RBKS: variants seen among roughly 807,000 people sequenced by gnomAD.
RBKS encodes the protein ribokinase.
In RBKS, 33 loss-of-function variants were observed where a neutral mutation model predicts 33.9. That is an observed-to-expected ratio of 0.97 (90% CI 0.74 to 1.30). The LOEUF (loss-of-function observed/expected upper bound fraction) is 1.30, where lower values mean the gene tolerates loss of function less well. Ranked by LOEUF, RBKS falls within the 50% of genes most tolerant of loss-of-function variation. The pLI is 0.00. For missense variants in RBKS, 361 were observed against 392.6 expected, an observed-to-expected ratio of 0.92 and a Z score of 0.68; for synonymous variants, 125 against 143.0, an observed-to-expected ratio of 0.87 and a Z score of 0.90.
chr2:27,786,451 A>G (rs1299995441), intron 7 of RBKS, among the ~76,000 whole-genome samples: 1 of 152,220 alleles, frequency 6.6e-6, no homozygotes, highest in African/African-American at 2.4e-5. Context: ...GTTAGCTAGC[A>G]GGGTATTTTT....
Position 27,849,581 on chromosome 2 carries a change from AAAAAAGAAAAAG to A in RBKS, c.223-1496_223-1485del, listed in dbSNP as rs1320707235. On this transcript the variant is annotated intron_variant, in intron 2 of 7. Coordinates refer to ENST00000302188, the MANE Select transcript of RBKS (RefSeq NM_022128.3). Reference sequence around the variant, plus strand: ...TCTCAAAAAAAAAAAAAAAAAAAAAAAAAAAGAAAAAGAAAAAAAGAAAAAAAAGAAAAGAAA... The same window carrying A: ...TCTCAAAAAAAAAAAAAAAAAAAAAAAAAAAAAGAAAAAAAAGAAAAGAAA... Among the ~76,000 whole-genome samples the A allele has an allele frequency of 6.0e-5, 8 of 133,212 alleles. 1 individual carries two copies. Among genetic ancestry groups the A allele is most frequent in the South Asian group, 2.3e-4 (1 of 4,308 alleles). 87.4% of individuals were successfully genotyped at this position (133,212 alleles called of 152,430 possible). A position where few individuals can be genotyped will look rare whatever the true frequency, so the allele number is the denominator to read the frequency against.
chr2:27,825,929 G>A (rs969624748), intron 7 of RBKS, among the ~76,000 whole-genome samples: 3 of 152,204 alleles, frequency 2.0e-5, no homozygotes, highest in African/African-American at 7.2e-5. Flanking sequence ...TTTACTTTTA[G>A]CAGGAGATGC....
At chr2:27,819,003 A>G (rs1678148948) in intron 7 of RBKS, among the ~76,000 whole-genome samples, 1 of 152,212 alleles carries the variant, frequency 6.6e-6, no homozygotes, top group Non-Finnish European at 1.5e-5. Context: ...GCTTTGGATT[A>G]CTTTCTCCTT....
At chr2:27,877,188 C>T (rs558569290) in intron 1 of RBKS, among the ~76,000 whole-genome samples, 40 of 152,204 alleles carry the variant, frequency 2.6e-4, no homozygotes, top group African/African-American at 8.9e-4. Context: ...AGTTTCTTTG[C>T]TACTCTGATA....
At chr2:27,836,271 G>A (rs377292797) in intron 5 of RBKS, among the ~76,000 whole-genome samples, 8 of 152,078 alleles carry the variant, frequency 5.3e-5, no homozygotes, top group Admixed American at 2.0e-4. Flanking sequence ...TACTATAAAC[G>A]AAATGATATA....
intron 1 of RBKS, among the ~76,000 whole-genome samples, chr2:27,874,949 A>G (rs1247504648): frequency 6.6e-6 from 1 of 152,168 alleles, no homozygotes; most frequent in African/African-American, 2.4e-5. Context: ...ACTCTTAACC[A>G]GCATCTTTAC....
intron 7 of RBKS, among the ~76,000 whole-genome samples, chr2:27,816,253 A>AAT (rs1210194918): frequency 6.6e-6 from 1 of 152,258 alleles, no homozygotes; most frequent in Non-Finnish European, 1.5e-5. Context: ...CTGATTAGCT[A>AAT]ATAAATGAGG....
chr2:27,824,795 G>A (rs1678280617), intron 7 of RBKS, among the ~76,000 whole-genome samples: 1 of 152,074 alleles, frequency 6.6e-6, no homozygotes, highest in Non-Finnish European at 1.5e-5. Flanking sequence ...GGTTTCTTCT[G>A]GTAATTATCT....
chr2:27,860,909 T>TA (rs1313659400), intron 1 of RBKS, among the ~76,000 whole-genome samples: 4 of 152,156 alleles, frequency 2.6e-5, no homozygotes, highest in Non-Finnish European at 5.9e-5. Context: ...GGTTAACAGA[T>TA]ATTTGCTGAT....
intron 1 of RBKS, chr2:27,870,780 T>C: frequency 2.1e-6 from 1 of 465,328 alleles, no homozygotes; most frequent in Non-Finnish European, 4.4e-6. Flanking sequence ...TCACACAAAA[T>C]GACCAGTTCA....
At chr2:27,882,697 A>G (rs1664442492) in intron 1 of RBKS, among the ~76,000 whole-genome samples, 1 of 152,240 alleles carries the variant, frequency 6.6e-6, no homozygotes, top group Non-Finnish European at 1.5e-5. Flanking sequence ...TCAATGGTAG[A>G]CTGGATAAAG....
chr2:27,835,277 A>G (rs1573054698), intron 5 of RBKS, among the ~76,000 whole-genome samples: 2 of 66,850 alleles, frequency 3.0e-5, no homozygotes, highest in South Asian at 8.8e-4. Context: ...ACTCTGTCTC[A>G]AAAAAAAAAA....
At chr2:27,794,657 C>G (rs1415813550) in intron 7 of RBKS, among the ~76,000 whole-genome samples, 1 of 144,342 alleles carries the variant, frequency 6.9e-6, no homozygotes, top group Non-Finnish European at 1.5e-5. Context: ...AGTTTTCGCT[C>G]TTGTTGCCCA....
At chr2:27,847,949 ATCC>A (rs1663653470) in intron 3 of RBKS, 82 bp downstream of exon 3, 3 of 768,618 alleles carry the variant, frequency 3.9e-6, no homozygotes, top group South Asian at 1.6e-5. Flanking sequence ...AGGTCTAATA[ATCC>A]TCCTCTAGAT....
At chr2:27,785,196 CAT>C (rs912116905) in intron 7 of RBKS, among the ~76,000 whole-genome samples, 4 of 151,818 alleles carry the variant, frequency 2.6e-5, no homozygotes, top group African/African-American at 9.7e-5. Context: ...CACAAAAAGA[CAT>C]GAAAAAAATA....
chr2:27,816,114 C>T (rs1211322235), intron 7 of RBKS, among the ~76,000 whole-genome samples: 1 of 152,158 alleles, frequency 6.6e-6, no homozygotes, highest in African/African-American at 2.4e-5. Context: ...TTAGATTTGG[C>T]CCTGGTTCAA....
intron 1 of RBKS, among the ~76,000 whole-genome samples, chr2:27,867,972 T>C (rs1004313597): frequency 1.3e-5 from 2 of 152,192 alleles, no homozygotes; most frequent in African/African-American, 4.8e-5. Context: ...ACAAGAAAAG[T>C]ATGCATTTGT....
At chr2:27,861,231 G>C (rs1323476308) in intron 1 of RBKS, among the ~76,000 whole-genome samples, 1 of 152,056 alleles carries the variant, frequency 6.6e-6, no homozygotes, top group East Asian at 1.9e-4. Context: ...GCCTCCCAAA[G>C]TGCTGGGGTT....
chr2:27,782,155 T>G (rs1677300929), intron 7 of RBKS, among the ~76,000 whole-genome samples: 1 of 151,342 alleles, frequency 6.6e-6, no homozygotes, highest in Admixed American at 6.6e-5. Context: ...TTGTTTTTGA[T>G]GATTTTTTTT....
Sources: gnomAD v4.1 joint callset for allele counts (sites outside exome capture counted in the v4.1 genomes callset) on GRCh38, gnomAD v4.1.1 for gene constraint, MANE v1.5 for transcripts, NCBI Gene and HGNC (gene_info 2026-07-23, HGNC 2026-07-21) for gene names.